Variants in ELN observed in about 807,000 individuals in gnomAD.
ELN encodes tropoelastin.
In ELN, 65 loss-of-function variants were observed where a neutral mutation model predicts 105.8. The observed-to-expected ratio is 0.61, with a 90% CI of 0.50 to 0.75. ELN has a LOEUF of 0.75. Ranked by LOEUF, ELN falls within the 30% of genes least tolerant of loss-of-function variation. The pLI is 0.00. For missense variants in ELN, 882 were observed against 969.4 expected (o/e 0.91, Z 1.20); for synonymous variants, 368 against 389.2 (o/e 0.95, Z 0.64).
Position 74,028,289 on chromosome 7 carries a change from G to A in ELN, c.82+20G>A, listed in dbSNP as rs1554660183. On this transcript the variant is annotated intron_variant, in intron 1 of 32. Transcript: ENST00000252034. ...CTGGAGGTAAGGACCCCTCGCCCCTGTCCCCAGCGCTGCCCACAGCTGCGG... is the reference window on the plus strand; with the variant it reads ...CTGGAGGTAAGGACCCCTCGCCCCTATCCCCAGCGCTGCCCACAGCTGCGG... 4 of 1,600,188 alleles carry A rather than the reference G, an allele frequency of 2.5e-6. No individual in the cohort carries two copies. The highest frequency in any genetic ancestry group is 8.5e-7 in the Non-Finnish European group (1 of 1,177,198).
chr7:74,067,933 CAAAAAAAAAA>C (rs782107951), intron 32 of ELN, among the ~76,000 whole-genome samples: 9 of 19,888 alleles, frequency 4.5e-4, no homozygotes, highest in Admixed American at 2.1e-3. Context: ...GATTGCGTCT[CAAAAAAAAAA>C]AAAAAAAAAA....
chr7:74,032,585 C>T (rs1294085025), intron 1 of ELN, among the ~76,000 whole-genome samples: 5 of 152,234 alleles, frequency 3.3e-5, no homozygotes, highest in African/African-American at 1.2e-4. Context: ...GGGATTAAAA[C>T]CTCGGGCTCC....
At chr7:74,057,600 T>C (rs937993977) in intron 21 of ELN, 40 bp from the exon 22 acceptor site, 2 of 1,609,458 alleles carry the variant, frequency 1.2e-6, no homozygotes, top group Non-Finnish European at 1.7e-6. Context: ...GGGAGGGGTG[T>C]GAGAGATTAC....
chr7:74,056,091 A>AT (rs201973900), intron 19 of ELN, among the ~76,000 whole-genome samples, 180 bp from the exon 20 acceptor site: 2 of 151,952 alleles, frequency 1.3e-5, no homozygotes, highest in Admixed American at 6.6e-5. Flanking sequence ...CCGGCCCCAC[A>AT]TTTTTTTTAA....
chr7:74,037,653 T>C (rs1584502289), intron 3 of ELN, 54 bp from the exon 4 acceptor site: 1 of 1,595,190 alleles, frequency 6.3e-7, no homozygotes, highest in Non-Finnish European at 8.5e-7. Flanking sequence ...GTTGGATAAG[T>C]AGTAGATGGA....
At chr7:74,051,251 TCCCAGTGGAGG>T (rs2131827178) in intron 15 of ELN, among the ~76,000 whole-genome samples, 2 of 152,252 alleles carry the variant, frequency 1.3e-5, no homozygotes, top group East Asian at 3.9e-4. Flanking sequence ...AAGCTGGGCC[TCCCAGTGGAGG>T]CCCCGCAGGC....
In ELN at chr7:74,044,927, C is replaced by T. The variant is rs138584317; in HGVS notation, c.470-295C>T. Among the ~76,000 whole-genome samples the T allele has an allele frequency of 6.0e-3, 919 of 152,298 alleles. 6 individuals are homozygous for T. The highest frequency in any genetic ancestry group is 9.3e-3 in the Non-Finnish European group (630 of 68,032). On this transcript the variant is annotated intron_variant, in intron 9 of 32. Coordinates refer to ENST00000252034, the MANE Select transcript of ELN (RefSeq NM_000501.4). ...GCTGTCCCTCTCTTTACCTTTTCTG[C>T]GGAGGGTGGTCGAGACGGCTTTTGT... is the stretch of plus-strand genomic sequence containing the variant.
chr7:74,057,607 T>C, intron 21 of ELN, 33 bp from the exon 22 acceptor site: 1 of 1,600,880 alleles, frequency 6.2e-7, no homozygotes, highest in Non-Finnish European at 8.6e-7. Flanking sequence ...GTGTGAGAGA[T>C]TACTCTCTCA....
chr7:74,036,547 C>T lies in ELN; in HGVS notation c.134-8C>T. 1.9e-6 allele frequency: 3 copies of T among 1,614,048 alleles called. No homozygotes were observed. The highest frequency in any genetic ancestry group is 2.7e-5 in the African/African-American group (2 of 75,036). On this transcript the variant is annotated splice_polypyrimidine_tract_variant and splice_region_variant and intron_variant, in intron 2 of 32. Transcript: ENST00000252034. ...ATGATCTCTCTTTCTCTTTCTCTCC[C>T]CCCACAGGGGCTGGTCTCGGAGCCC...
intron 26 of ELN, among the ~76,000 whole-genome samples, chr7:74,062,452 G>A (rs995363130): frequency 5.3e-5 from 8 of 152,220 alleles, no homozygotes; most frequent in Non-Finnish European, 8.8e-5. Context: ...AATGACAATA[G>A]TGCCTACCTT....
In ELN at chr7:74,059,875, C is replaced by A; in HGVS notation, c.1415-11C>A. ...GTCTTGGTTAATGATCAGCTCTTCTCAATCTTGCAGGGTTAGTTCCTGGTG... is the reference window on the plus strand; with the variant it reads ...GTCTTGGTTAATGATCAGCTCTTCTAAATCTTGCAGGGTTAGTTCCTGGTG... On this transcript the variant is annotated splice_polypyrimidine_tract_variant and intron_variant, in intron 22 of 32. Coordinates refer to ENST00000252034, the MANE Select transcript of ELN (RefSeq NM_000501.4). The A allele has an allele frequency of 8.7e-7, 1 of 1,144,096 alleles. No individual in the cohort carries two copies. The highest frequency in any genetic ancestry group is 2.3e-5 in the East Asian group (1 of 42,740). The allele number at this position is 1,144,096 out of a possible 1,614,324, so 70.9% of individuals were successfully genotyped here. A position where few individuals can be genotyped will look rare whatever the true frequency, so the allele number is the denominator to read the frequency against.
rs891603045 is a variant in ELN at position 74,054,597 on chromosome 7, A to T, written c.1097-119A>T. On this transcript the variant is annotated intron_variant, in intron 18 of 32. Coordinates refer to ENST00000252034, the MANE Select transcript of ELN (RefSeq NM_000501.4). Reference sequence around the variant, plus strand: ...CAGTGCATAAATGGATGTGTAGCCAACTCTATGTTGGCATGAAAGGAGATG... The same window carrying T: ...CAGTGCATAAATGGATGTGTAGCCATCTCTATGTTGGCATGAAAGGAGATG... The T allele has an allele frequency of 1.2e-5, 13 of 1,047,786 alleles. No individual in the cohort carries two copies. In the Admixed American group the frequency reaches 2.3e-4, roughly 19 times the overall value. 64.9% of individuals were successfully genotyped at this position (1,047,786 alleles called of 1,614,324 possible). A position where few individuals can be genotyped will look rare whatever the true frequency, so the allele number is the denominator to read the frequency against.
chr7:74,039,415 C>A (rs1790680285), intron 4 of ELN, among the ~76,000 whole-genome samples: 1 of 152,236 alleles, frequency 6.6e-6, no homozygotes, highest in South Asian at 2.1e-4. Context: ...CCATGGCACC[C>A]CCAGGGAGGC....
At chr7:74,047,564 T>G in intron 12 of ELN, 111 bp from the exon 13 acceptor site, 7 of 1,435,288 alleles carry the variant, frequency 4.9e-6, no homozygotes, top group Non-Finnish European at 4.9e-6. Flanking sequence ...AGGACCCTGA[T>G]GTGGGAGGTC....
intron 3 of ELN, among the ~76,000 whole-genome samples, chr7:74,037,111 T>C (rs1459543946): frequency 6.9e-6 from 1 of 144,056 alleles, no homozygotes; most frequent in African/African-American, 2.6e-5. Flanking sequence ...GTGAGCCACC[T>C]TGCCCGGCCC....
intron 1 of ELN, 43 bp downstream of exon 1, chr7:74,028,312 C>T (rs781792091): frequency 1.1e-5 from 17 of 1,583,770 alleles, no homozygotes; most frequent in East Asian, 9.1e-5. Context: ...CCCACAGCTG[C>T]GGGCCCTTTG....
intron 29 of ELN, among the ~76,000 whole-genome samples, chr7:74,064,423 A>AAATAT (rs1554687738): frequency 3.0e-5 from 4 of 133,144 alleles, no homozygotes; most frequent in African/African-American, 5.6e-5. Context: ...TCAAAAAAAA[A>AAATAT]ATATATATAT....
chr7:74,029,619 G>A (rs540381652), intron 1 of ELN, among the ~76,000 whole-genome samples: 1 of 152,266 alleles, frequency 6.6e-6, no homozygotes, highest in South Asian at 2.1e-4. Flanking sequence ...CCTGTGCAGG[G>A]TCCGCTGCTG....
intron 15 of ELN, 100 bp from the exon 16 acceptor site, chr7:74,051,650 T>C (rs1794062145): frequency 1.4e-6 from 2 of 1,379,834 alleles, no homozygotes; most frequent in Non-Finnish European, 2.0e-6. Flanking sequence ...CATTCCTGGA[T>C]AAGATCACAC....
Sources: allele counts gnomAD v4.1 joint callset (sites outside exome capture counted in the v4.1 genomes callset), GRCh38; gene constraint gnomAD v4.1.1; transcripts MANE v1.5; gene names NCBI Gene and HGNC (gene_info 2026-07-23, HGNC 2026-07-21).